Variants in AUTS2 observed in about 807,000 individuals in gnomAD.
AUTS2 encodes the protein autism susceptibility gene 2 protein.
A neutral mutation model predicts 112.4 loss-of-function variants in AUTS2; 17 were observed. The ratio of observed to expected loss-of-function variants is 0.15; its 90% confidence interval spans 0.10 to 0.23. The LOEUF is 0.23. AUTS2 is among the 10% of genes least tolerant of loss of function. The pLI, the probability that AUTS2 is intolerant of heterozygous loss-of-function variation, is 1.00. For synonymous variants in AUTS2, 751 were observed against 702.7 expected, an observed-to-expected ratio of 1.07 and a Z score of -1.09; for missense variants, 1,510 against 1,701.6, an observed-to-expected ratio of 0.89 and a Z score of 1.98.
At position 70,448,701 on chromosome 7, in the gene AUTS2, G is replaced by A. The variant is rs768761868; in HGVS notation, c.690+12920G>A. Among the ~76,000 whole-genome samples, 44 of 152,152 alleles carry A rather than the reference G, an allele frequency of 2.9e-4. 1 individual carries two copies. The highest frequency in any genetic ancestry group is 5.4e-4 in the Non-Finnish European group (37 of 68,032). ...GACAACATATGTGGATTATTTAGTT[G>A]GTGCGTTTAAGTAAGTTACACTTGC... On this transcript the variant is annotated intron_variant, in intron 5 of 18. Coordinates refer to ENST00000342771, the MANE Select transcript of AUTS2 (RefSeq NM_015570.4).
At chr7:70,412,719 G>A (rs1001746318) in intron 4 of AUTS2, among the ~76,000 whole-genome samples, 1 of 152,182 alleles carries the variant, frequency 6.6e-6, no homozygotes, top group South Asian at 2.1e-4. Context: ...TTGGCTGGGC[G>A]CAGTGGATCA....
chr7:70,607,431 T>C (rs1026028300), intron 5 of AUTS2, among the ~76,000 whole-genome samples: 5 of 152,094 alleles, frequency 3.3e-5, no homozygotes, highest in African/African-American at 1.2e-4. Flanking sequence ...AAGAAAGCAG[T>C]GAGGTCTCAG....
At chr7:69,948,697 G>A (rs1176590093) in intron 2 of AUTS2, among the ~76,000 whole-genome samples, 1 of 152,094 alleles carries the variant, frequency 6.6e-6, no homozygotes, top group Non-Finnish European at 1.5e-5. Context: ...TTGAGACTCA[G>A]TGAGATGAAC....
intron 5 of AUTS2, among the ~76,000 whole-genome samples, chr7:70,542,188 T>C (rs144421914): frequency 1.7e-4 from 26 of 152,356 alleles, no homozygotes; most frequent in African/African-American, 6.3e-4. Flanking sequence ...AAAAAAAGAC[T>C]TGTTCTTATG....
chr7:70,287,779 G>A (rs1788529199), intron 4 of AUTS2, among the ~76,000 whole-genome samples: 4 of 147,738 alleles, frequency 2.7e-5, no homozygotes, highest in South Asian at 2.2e-4. Flanking sequence ...GAAGGAGAGC[G>A]AACCCACAAG....
chr7:70,031,119 G>A (rs1296145970), intron 2 of AUTS2, among the ~76,000 whole-genome samples: 2 of 152,158 alleles, frequency 1.3e-5, no homozygotes, highest in Non-Finnish European at 2.9e-5. Flanking sequence ...TCCAATCTGA[G>A]TCTAACCCCA....
intron 2 of AUTS2, among the ~76,000 whole-genome samples, chr7:70,090,685 C>CT (rs1279080115): frequency 0.012 from 1,522 of 128,958 alleles, 15 homozygotes; most frequent in Middle Eastern, 0.029. Flanking sequence ...AGATTTCTGT[C>CT]TTTTTTTTTT....
Position 69,693,551 on chromosome 7 carries a change from C to G in AUTS2, c.309+93589C>G, listed in dbSNP as rs1025699844. Among the ~76,000 whole-genome samples the G allele has an allele frequency of 5.3e-5, 8 of 152,264 alleles. No homozygotes were observed. The East Asian group carries it at 9.7e-4, about 18-fold the overall frequency. ...TGACTGCTTGTTTCAAGGACTGGAACCTTTTCTTTTACCTTTAAGATTCCT... is the reference window on the plus strand; with the variant it reads ...TGACTGCTTGTTTCAAGGACTGGAAGCTTTTCTTTTACCTTTAAGATTCCT... On this transcript the variant is annotated intron_variant, in intron 1 of 18. Coordinates refer to ENST00000342771, the MANE Select transcript of AUTS2 (RefSeq NM_015570.4).
intron 4 of AUTS2, among the ~76,000 whole-genome samples, chr7:70,367,414 G>A (rs752112397): frequency 9.2e-5 from 14 of 151,882 alleles, no homozygotes; most frequent in African/African-American, 1.9e-4. Flanking sequence ...AAATTAGCCC[G>A]GCATGGTGAT....
intron 1 of AUTS2, among the ~76,000 whole-genome samples, chr7:69,616,072 G>T (rs183772822): frequency 1.3e-5 from 2 of 152,252 alleles, no homozygotes; most frequent in East Asian, 3.9e-4. Context: ...ATTGTGAGAA[G>T]GTCCTTTAGC....
chr7:70,749,102 C>A (rs1788642170), intron 6 of AUTS2, among the ~76,000 whole-genome samples: 1 of 152,180 alleles, frequency 6.6e-6, no homozygotes, highest in Non-Finnish European at 1.5e-5. Flanking sequence ...AGCTCCTAAT[C>A]TGGTGAACAT....
At chr7:69,978,430 A>G (rs924718209) in intron 2 of AUTS2, among the ~76,000 whole-genome samples, 9 of 152,230 alleles carry the variant, frequency 5.9e-5, no homozygotes, top group African/African-American at 1.9e-4. Context: ...GGAGGAAACA[A>G]TAAATTTTCT....
intron 5 of AUTS2, among the ~76,000 whole-genome samples, chr7:70,667,488 C>T (rs10244177): frequency 0.17 from 25,407 of 152,198 alleles, 2,288 homozygotes; most frequent in Middle Eastern, 0.25. Context: ...ACTTCTTTTC[C>T]TTTTCTTAGC....
At chr7:69,819,672 C>G (rs1790901489) in intron 1 of AUTS2, among the ~76,000 whole-genome samples, 1 of 152,130 alleles carries the variant, frequency 6.6e-6, no homozygotes. Flanking sequence ...TGCTTTTTTG[C>G]TGTGGTGCGA....
intron 1 of AUTS2, among the ~76,000 whole-genome samples, chr7:69,888,177 A>ATGCT (rs1794358404): frequency 1.3e-5 from 2 of 151,938 alleles, no homozygotes; most frequent in Non-Finnish European, 2.9e-5. Context: ...AAGAAAAAGG[A>ATGCT]ATACTAGATG....
intron 6 of AUTS2, among the ~76,000 whole-genome samples, chr7:70,738,209 G>A (rs375862373): frequency 2.0e-5 from 3 of 152,104 alleles, no homozygotes; most frequent in African/African-American, 7.2e-5. Flanking sequence ...AATGCTGGGA[G>A]TGGCAGTCTC....
chr7:69,847,385 A>G (rs1792253361), intron 1 of AUTS2, among the ~76,000 whole-genome samples: 1 of 152,146 alleles, frequency 6.6e-6, no homozygotes, highest in Non-Finnish European at 1.5e-5. Flanking sequence ...TCCCGCAGCA[A>G]ATTCTGTCAT....
At chr7:70,318,544 G>A (rs983337560) in intron 4 of AUTS2, among the ~76,000 whole-genome samples, 6 of 152,220 alleles carry the variant, frequency 3.9e-5, no homozygotes, top group African/African-American at 1.2e-4. Flanking sequence ...TGTCATATCA[G>A]GTTGATTGAA....
rs117519277 is a variant in AUTS2 at position 70,582,430 on chromosome 7, C to T, written c.691-116139C>T. On this transcript the variant is annotated intron_variant, in intron 5 of 18. Transcript: ENST00000342771. ...AGCCTGCATTCTCCGACTTGAATGG[C>T]TGCATGTGGAGAGTATGTATATTTG... Among the ~76,000 whole-genome samples, 1,394 of 152,322 alleles carry T rather than the reference C, an allele frequency of 9.2e-3. 10 individuals are homozygous for T. The highest frequency in any genetic ancestry group is 0.013 in the Non-Finnish European group (918 of 68,036).
Sources: gnomAD v4.1 joint callset for allele counts (sites outside exome capture counted in the v4.1 genomes callset) on GRCh38, gnomAD v4.1.1 for gene constraint, MANE v1.5 for transcripts, NCBI Gene and HGNC (gene_info 2026-07-23, HGNC 2026-07-21) for gene names.